GDAP1: variants seen among roughly 807,000 people sequenced by gnomAD.
The protein encoded by GDAP1 is ganglioside induced differentiation associated protein 1.
Under a neutral mutation model 40.1 loss-of-function variants are expected in GDAP1, and 34 were observed. The observed-to-expected ratio is 0.85, with a 90% CI of 0.64 to 1.13. GDAP1 has a LOEUF of 1.13. Ranked by LOEUF, GDAP1 falls within the 50% of genes most tolerant of loss-of-function variation. GDAP1 has a pLI of 0.00. For synonymous variants in GDAP1, 170 were observed against 157.4 expected, an observed-to-expected ratio of 1.08 and a Z score of -0.60; for missense variants, 374 against 433.7, an observed-to-expected ratio of 0.86 and a Z score of 1.22.
chr8:74,387,783 A>T, intron 2 of GDAP1, among the ~76,000 whole-genome samples: 1 of 152,218 alleles, frequency 6.6e-6, no homozygotes, highest in East Asian at 1.9e-4. Context: ...TACCCCTGGT[A>T]GAATTCAGCT....
intron 2 of GDAP1, among the ~76,000 whole-genome samples, chr8:74,395,158 T>C (rs1246921815): frequency 2.0e-5 from 3 of 152,232 alleles, no homozygotes; most frequent in Non-Finnish European, 4.4e-5. Context: ...TTGTTCACCT[T>C]ATTTTATAGA....
rs1285748573 is a variant in GDAP1 at position 74,364,043 on chromosome 8, C to T, written c.753C>T (p.Leu251=). Residue 251 remains leucine (L), a synonymous_variant, in exon 6 of 6, where the codon CTC becomes CTT. Coordinates refer to ENST00000220822, the MANE Select transcript of GDAP1 (RefSeq NM_018972.4). ...GESFTLADVS[L]AVTLHRLKFL... ...CCTTCACCCTGGCAGACGTCTCACTCGCTGTCACATTGCATCGACTGAAGT... is the reference window on the plus strand; with the variant it reads ...CCTTCACCCTGGCAGACGTCTCACTTGCTGTCACATTGCATCGACTGAAGT... The T allele has an allele frequency of 7.4e-6, 12 of 1,613,948 alleles. No homozygotes were observed. The highest frequency in any genetic ancestry group is 2.2e-5 in the South Asian group (2 of 91,080).
intron 2 of GDAP1, among the ~76,000 whole-genome samples, chr8:74,411,355 T>C (rs1805707349): frequency 6.7e-6 from 1 of 149,694 alleles, no homozygotes. Flanking sequence ...ATGGACAATT[T>C]TGACTCTTGA....
At chr8:74,414,515 C>G (rs1805754876) in intron 2 of GDAP1, among the ~76,000 whole-genome samples, 2 of 149,864 alleles carry the variant, frequency 1.3e-5, no homozygotes, top group South Asian at 4.2e-4. Flanking sequence ...AAAAAACCCA[C>G]CCCAAGGTCA....
Position 74,428,241 on chromosome 8 carries a change from A to G in GDAP1, c.166-60437A>G, listed in dbSNP as rs548532475. On this transcript the variant is annotated intron_variant, in intron 2 of 2. Coordinates refer to the GDAP1 transcript ENST00000523640. ...GACCCCATTGCTAACAACAACAACA[A>G]CAACAACAACAATAACAACAACAAC... Among the ~76,000 whole-genome samples, 831 of 149,634 alleles carry G rather than the reference A, an allele frequency of 5.6e-3. 3 individuals carry two copies. The highest frequency in any genetic ancestry group is 0.014 in the Middle Eastern group (4 of 292).
chr8:74,463,833 T>G (rs1225170650), intron 2 of GDAP1, among the ~76,000 whole-genome samples: 1 of 152,166 alleles, frequency 6.6e-6, no homozygotes, highest in Non-Finnish European at 1.5e-5. Flanking sequence ...TTGTAGTCAT[T>G]TATGCAAATA....
chr8:74,433,012 A>T (rs7814809), intron 2 of GDAP1, among the ~76,000 whole-genome samples: 28,746 of 152,130 alleles, frequency 0.19, 2,953 homozygotes, highest in Admixed American at 0.31. Context: ...CTTCAGCCAC[A>T]TAGGCAATTA....
intron 2 of GDAP1, among the ~76,000 whole-genome samples, chr8:74,431,186 TATG>T (rs2131564855): frequency 6.7e-6 from 1 of 150,208 alleles, no homozygotes; most frequent in Admixed American, 6.7e-5. Flanking sequence ...AAAAATGATG[TATG>T]ATATTTATGA....
chr8:74,380,236 A>G (rs2131536783), intron 2 of GDAP1, among the ~76,000 whole-genome samples: 1 of 152,354 alleles, frequency 6.6e-6, no homozygotes, highest in East Asian at 1.9e-4. Flanking sequence ...AGCAATTAGG[A>G]TGAATATTGT....
At chr8:74,356,196 T>C in intron 2 of GDAP1, among the ~76,000 whole-genome samples, 1 of 152,154 alleles carries the variant, frequency 6.6e-6, no homozygotes, top group East Asian at 1.9e-4. Flanking sequence ...TATCAGTCTT[T>C]GATTATTGTG....
chr8:74,364,034 C>T lies in GDAP1; in HGVS notation c.744C>T (p.Asp248=), dbSNP rs370099528. 6.1e-5 allele frequency: 98 copies of T among 1,613,736 alleles called. No individual in the cohort carries two copies. The highest frequency in any genetic ancestry group is 2.5e-4 in the African/African-American group (19 of 74,920). Residue 248 remains aspartate, a synonymous_variant, in exon 6 of 6, where the codon GAC becomes GAT. Transcript: ENST00000220822. The part of the protein sequence containing the change: ...WLCGESFTLA[D]VSLAVTLHRL... ...GCGGTGAATCCTTCACCCTGGCAGA[C>T]GTCTCACTCGCTGTCACATTGCATC... is the stretch of plus-strand genomic sequence containing the variant.
chr8:74,441,625 T>C (rs1332160770), intron 2 of GDAP1, among the ~76,000 whole-genome samples: 3 of 152,216 alleles, frequency 2.0e-5, no homozygotes, highest in African/African-American at 7.2e-5. Flanking sequence ...ATGTTTCCCA[T>C]TGAATTAGCA....
chr8:74,351,030 TGAG>T (rs991888037), intron 1 of GDAP1, among the ~76,000 whole-genome samples: 1 of 152,118 alleles, frequency 6.6e-6, no homozygotes, highest in Non-Finnish European at 1.5e-5. Flanking sequence ...GTGGTAGTGA[TGAG>T]GAGGGTGACT....
chr8:74,385,484 C>T (rs554666568), intron 2 of GDAP1, among the ~76,000 whole-genome samples: 22 of 152,210 alleles, frequency 1.4e-4, no homozygotes, highest in African/African-American at 5.3e-4. Context: ...CAGCTTCATC[C>T]ATGTCCCTGC....
chr8:74,429,043 CTCA>C (rs1805993458), intron 2 of GDAP1, among the ~76,000 whole-genome samples: 2 of 152,024 alleles, frequency 1.3e-5, no homozygotes, highest in South Asian at 4.2e-4. Context: ...AAGACATGAA[CTCA>C]TCATTTTTTA....
At chr8:74,370,544 A>G (rs954802661), downstream of GDAP1, among the ~76,000 whole-genome samples, 14 of 152,230 alleles carry the variant, frequency 9.2e-5, no homozygotes, top group Non-Finnish European at 2.9e-5. Flanking sequence ...TAAGAAACAA[A>G]TAGAAATAAA....
intron 2 of GDAP1, among the ~76,000 whole-genome samples, chr8:74,464,064 A>C (rs989253972): frequency 3.9e-5 from 6 of 152,214 alleles, no homozygotes; most frequent in African/African-American, 1.4e-4. Flanking sequence ...AGAGAGAATA[A>C]ATGAAGGTGC....
intron 2 of GDAP1, among the ~76,000 whole-genome samples, chr8:74,411,541 A>ATATATG (rs1299912463): frequency 6.7e-6 from 1 of 148,452 alleles, no homozygotes; most frequent in Non-Finnish European, 1.5e-5. Flanking sequence ...ATATATATAT[A>ATATATG]TATACACACA....
At chr8:74,397,424 C>T (rs1240418099) in intron 2 of GDAP1, among the ~76,000 whole-genome samples, 3 of 152,092 alleles carry the variant, frequency 2.0e-5, no homozygotes, top group Non-Finnish European at 2.9e-5. Flanking sequence ...GTCGTGAAGT[C>T]CTTGCCCATG....
Sources: allele counts gnomAD v4.1 joint callset (sites outside exome capture counted in the v4.1 genomes callset), GRCh38; gene constraint gnomAD v4.1.1; transcripts MANE v1.5; gene names NCBI Gene and HGNC (gene_info 2026-07-23, HGNC 2026-07-21).